Variants in C16orf74 observed in about 807,000 individuals in gnomAD.
The protein encoded by C16orf74 is calcimembrin.
A neutral mutation model predicts 6.5 loss-of-function variants in C16orf74; 10 were observed. The observed-to-expected ratio is 1.54, with a 90% CI of 0.95 to 2.61. The LOEUF (loss-of-function observed/expected upper bound fraction) is 2.61. Ranked by LOEUF, C16orf74 falls within the 30% of genes most tolerant of loss-of-function variation. C16orf74 has a pLI of 0.00. For synonymous variants in C16orf74, 60 were observed against 42.5 expected, an observed-to-expected ratio of 1.41 and a Z score of -1.60; for missense variants, 141 against 105.9, an observed-to-expected ratio of 1.33 and a Z score of -1.45.
chr16:85,742,911 G>C (rs548258561), intron 1 of C16orf74, among the ~76,000 whole-genome samples: 3 of 152,156 alleles, frequency 2.0e-5, no homozygotes, highest in Non-Finnish European at 4.4e-5. Flanking sequence ...GACTAAGACA[G>C]GTGTCACCTC....
intron 2 of C16orf74, among the ~76,000 whole-genome samples, chr16:85,727,343 A>G (rs755030140): frequency 5.9e-4 from 90 of 152,222 alleles, no homozygotes; most frequent in Non-Finnish European, 9.8e-4. Flanking sequence ...GAGCCCCCCG[A>G]GCGAGGGAGT....
At chr16:85,745,826 G>C (rs767932276) in intron 1 of C16orf74, among the ~76,000 whole-genome samples, 1 of 152,136 alleles carries the variant, frequency 6.6e-6, no homozygotes, top group Non-Finnish European at 1.5e-5. Context: ...CTGGCTGGAG[G>C]GACCCTGCTT....
chr16:85,710,214 GTGA>G lies in C16orf74; in HGVS notation c.119_121del (p.Ile40del), dbSNP rs1567801159. 2.7e-6 allele frequency: 4 copies of G among 1,499,590 alleles called. No homozygotes were observed. The highest frequency in any genetic ancestry group is 2.7e-5 in the East Asian group (1 of 37,064). The allele number at this position is 1,499,590 out of a possible 1,614,324, so 92.9% of individuals were successfully genotyped here. The stretch of plus-strand genomic sequence containing the variant: ...CATCATGCCCGTGGGGGTGGGGGGC[GTGA>G]TGATGATGTCGGGCACGTCCAGGTG... On this transcript the variant is annotated inframe_deletion, in exon 3 of 4. Coordinates refer to ENST00000284245, the MANE Select transcript of C16orf74 (RefSeq NM_206967.3).
intron 2 of C16orf74, among the ~76,000 whole-genome samples, chr16:85,721,554 T>G (rs905718448): frequency 1.3e-5 from 2 of 152,240 alleles, no homozygotes; most frequent in Non-Finnish European, 1.5e-5. Flanking sequence ...ATGCTTCTAC[T>G]TGACAGTATT....
chr16:85,740,665 GT>G (rs2054295586), intron 1 of C16orf74, among the ~76,000 whole-genome samples: 1 of 146,374 alleles, frequency 6.8e-6, no homozygotes, highest in African/African-American at 2.5e-5. Flanking sequence ...GCACTCCAGC[GT>G]GGGGCACAGA....
chr16:85,741,223 T>G (rs2054303808), intron 1 of C16orf74, among the ~76,000 whole-genome samples: 1 of 152,154 alleles, frequency 6.6e-6, no homozygotes, highest in Non-Finnish European at 1.5e-5. Context: ...TTCTACAGCT[T>G]GGTGGAGATG....
At chr16:85,749,856 A>C (rs1458087670) in intron 1 of C16orf74, among the ~76,000 whole-genome samples, 1 of 152,168 alleles carries the variant, frequency 6.6e-6, no homozygotes, top group Non-Finnish European at 1.5e-5. Flanking sequence ...TTAGGTGGTG[A>C]GCTTTCAGCC....
chr16:85,721,791 C>G (rs1274421683), intron 2 of C16orf74, among the ~76,000 whole-genome samples: 1 of 152,154 alleles, frequency 6.6e-6, no homozygotes, highest in African/African-American at 2.4e-5. Context: ...GGTCCCAGTG[C>G]CTGGGGCTAC....
chr16:85,740,208 T>C (rs1220844576), intron 1 of C16orf74, among the ~76,000 whole-genome samples: 2 of 62,414 alleles, frequency 3.2e-5, no homozygotes, highest in Non-Finnish European at 3.2e-5. Flanking sequence ...CGAGACTTTG[T>C]CTCAAAAAAA....
chr16:85,750,129 G>T (rs556436154), intron 1 of C16orf74, among the ~76,000 whole-genome samples: 1 of 152,168 alleles, frequency 6.6e-6, no homozygotes, highest in African/African-American at 2.4e-5. Flanking sequence ...ACATTGAGGC[G>T]TTCGTTCCCC....
At chr16:85,735,364 G>C in intron 1 of C16orf74, 129 bp from the exon 2 acceptor site, 2 of 487,880 alleles carry the variant, frequency 4.1e-6, no homozygotes, top group Non-Finnish European at 7.2e-6. Flanking sequence ...GAAACCACCG[G>C]CCTCCAGGTC....
intron 2 of C16orf74, among the ~76,000 whole-genome samples, chr16:85,733,250 C>G (rs965427547): frequency 6.6e-6 from 1 of 152,228 alleles, no homozygotes; most frequent in African/African-American, 2.4e-5. Flanking sequence ...GATGCATGTT[C>G]AATGTGGATG....
rs536307080 is a variant in C16orf74 at position 85,737,299 on chromosome 16, A to C, written c.-18-2064T>G. Among the ~76,000 whole-genome samples, 4 of 152,246 alleles carry C rather than the reference A, an allele frequency of 2.6e-5. No individual in the cohort carries two copies. The East Asian group carries it at 7.7e-4, about 29-fold the overall frequency. The stretch of plus-strand genomic sequence containing the variant: ...GGCTTCCCGGTAGCTGTGCATGCAG[A>C]GTCTCAGGCCCTGAGCTGGCCCTGC... On this transcript the variant is annotated intron_variant, in intron 1 of 3. Coordinates refer to ENST00000284245, the MANE Select transcript of C16orf74 (RefSeq NM_206967.3).
At position 85,745,473 on chromosome 16, in the gene C16orf74, A is replaced by G. The variant is rs191300264; in HGVS notation, c.-19+5453T>C. 3.7e-3 allele frequency among the ~76,000 whole-genome samples: 560 copies of G among 152,346 alleles called. 2 individuals are homozygous for G. Among genetic ancestry groups the G allele is most frequent in the Non-Finnish European group, 5.7e-3 (387 of 68,038 alleles). ...CTACAGATTTTCAGTGCAAACAGAA[A>G]AGCAAAATGATGTGTTCTTTCATAA... On this transcript the variant is annotated intron_variant, in intron 1 of 3. Coordinates refer to ENST00000284245, the MANE Select transcript of C16orf74 (RefSeq NM_206967.3).
At chr16:85,745,217 G>C (rs1370109077) in intron 1 of C16orf74, among the ~76,000 whole-genome samples, 1 of 150,528 alleles carries the variant, frequency 6.6e-6, no homozygotes, top group African/African-American at 2.5e-5. Flanking sequence ...ACAAGGATGG[G>C]CAATGGGCAA....
intron 1 of C16orf74, among the ~76,000 whole-genome samples, chr16:85,739,038 G>A (rs1249445655): frequency 1.3e-5 from 2 of 152,166 alleles, no homozygotes; most frequent in Non-Finnish European, 2.9e-5. Context: ...AGTCCCCAGG[G>A]GACAGAGCTT....
chr16:85,716,135 C>A (rs1457057538), intron 2 of C16orf74, among the ~76,000 whole-genome samples: 1 of 152,078 alleles, frequency 6.6e-6, no homozygotes, highest in Non-Finnish European at 1.5e-5. Flanking sequence ...AAACACCCCA[C>A]GTTTGCATTT....
chr16:85,726,105 C>T (rs191259091), intron 2 of C16orf74, among the ~76,000 whole-genome samples: 1 of 152,144 alleles, frequency 6.6e-6, no homozygotes, highest in Non-Finnish European at 1.5e-5. Flanking sequence ...ACTCCAGTGT[C>T]GGCACCACAG....
At chr16:85,740,641 G>C (rs1480303151) in intron 1 of C16orf74, among the ~76,000 whole-genome samples, 3 of 151,114 alleles carry the variant, frequency 2.0e-5, no homozygotes, top group African/African-American at 7.3e-5. Flanking sequence ...GCAGGGAGCC[G>C]AGATCGTGCC....
Sources: allele counts gnomAD v4.1 joint callset (sites outside exome capture counted in the v4.1 genomes callset), GRCh38; gene constraint gnomAD v4.1.1; transcripts MANE v1.5; gene names NCBI Gene and HGNC (gene_info 2026-07-23, HGNC 2026-07-21).